Variants in PID1 observed in about 807,000 individuals in gnomAD.
The protein encoded by PID1 is PTB-containing, cubilin and LRP1-interacting protein.
PID1 carries 10 observed loss-of-function variants against 19.1 expected under a neutral mutation model. The ratio of observed to expected loss-of-function variants is 0.52; its 90% CI spans 0.32 to 0.89. PID1 has a LOEUF of 0.89. PID1 is among the 40% of genes least tolerant of loss of function. PID1 has a pLI of 0.03. For missense variants in PID1, 248 were observed against 285.3 expected, an observed-to-expected ratio of 0.87 and a Z score of 0.94; for synonymous variants, 130 against 116.0, an observed-to-expected ratio of 1.12 and a Z score of -0.78.
At chr2:229,109,564 C>T (rs1320506876) in intron 2 of PID1, among the ~76,000 whole-genome samples, 22 of 152,182 alleles carry the variant, frequency 1.4e-4, no homozygotes, top group Admixed American at 1.4e-3. Flanking sequence ...AGATGGATGA[C>T]TTAAGACCTC....
chr2:229,197,343 A>G (rs533023381), intron 1 of PID1, among the ~76,000 whole-genome samples: 18 of 152,110 alleles, frequency 1.2e-4, no homozygotes, highest in African/African-American at 4.3e-4. Context: ...ATTTGACAGT[A>G]TTTTTTGTGT....
At chr2:229,069,226 C>T (rs186590628) in intron 2 of PID1, among the ~76,000 whole-genome samples, 64 of 149,224 alleles carry the variant, frequency 4.3e-4, no homozygotes, top group African/African-American at 1.5e-3. Flanking sequence ...CATATTTTCT[C>T]CCATATTTAA....
At chr2:229,117,880 T>C (rs1695440367) in intron 2 of PID1, among the ~76,000 whole-genome samples, 1 of 152,146 alleles carries the variant, frequency 6.6e-6, no homozygotes, top group Non-Finnish European at 1.5e-5. Context: ...CCTAGACTTC[T>C]GCACTCAGCT....
At chr2:229,129,727 T>G (rs1460714293) in intron 2 of PID1, among the ~76,000 whole-genome samples, 2 of 152,170 alleles carry the variant, frequency 1.3e-5, no homozygotes, top group Admixed American at 6.5e-5. Flanking sequence ...TAGTCATGGT[T>G]TCTTCCCTAA....
At chr2:229,228,306 A>T (rs1227873788) in intron 1 of PID1, among the ~76,000 whole-genome samples, 1 of 152,234 alleles carries the variant, frequency 6.6e-6, no homozygotes, top group Admixed American at 6.5e-5. Flanking sequence ...CAAAAGGGAC[A>T]TTCTGTAAAC....
At chr2:229,102,300 A>G (rs1270567899) in intron 2 of PID1, among the ~76,000 whole-genome samples, 1 of 152,206 alleles carries the variant, frequency 6.6e-6, no homozygotes, top group Non-Finnish European at 1.5e-5. Flanking sequence ...AAATACATTT[A>G]AAGACTCATC....
chr2:229,250,769 TA>T (rs1451209368), intron 1 of PID1, among the ~76,000 whole-genome samples: 1 of 152,214 alleles, frequency 6.6e-6, no homozygotes, highest in Non-Finnish European at 1.5e-5. Flanking sequence ...GTTTACCTAA[TA>T]AAAACCCAAT....
chr2:229,220,928 T>A (rs562336452), intron 1 of PID1, among the ~76,000 whole-genome samples: 21 of 152,146 alleles, frequency 1.4e-4, no homozygotes, highest in Non-Finnish European at 2.6e-4. Context: ...TTAAAAAAAA[T>A]TCAGCTTATT....
At chr2:229,256,137 GCTCAGCAAGC>G (rs1690288984) in intron 1 of PID1, among the ~76,000 whole-genome samples, 1 of 152,134 alleles carries the variant, frequency 6.6e-6, no homozygotes, top group African/African-American at 2.4e-5. Flanking sequence ...TATCCACAGG[GCTCAGCAAGC>G]TGGGTGACTC....
At chr2:229,199,767 C>CACACAT (rs1559281846) in intron 1 of PID1, among the ~76,000 whole-genome samples, 1 of 145,620 alleles carries the variant, frequency 6.9e-6, no homozygotes, top group Non-Finnish European at 1.5e-5. Flanking sequence ...CACACACACA[C>CACACAT]ATATATATAT....
At chr2:229,242,549 C>G (rs1178877702) in intron 1 of PID1, among the ~76,000 whole-genome samples, 5 of 152,114 alleles carry the variant, frequency 3.3e-5, no homozygotes, top group Admixed American at 2.0e-4. Flanking sequence ...CTCTAATCAG[C>G]TGTCAACCCA....
At chr2:229,260,209 A>G (rs960421025) in intron 1 of PID1, among the ~76,000 whole-genome samples, 3 of 152,132 alleles carry the variant, frequency 2.0e-5, no homozygotes, top group Admixed American at 1.3e-4. Context: ...AGTTCAGCCT[A>G]AAGAAATACA....
At chr2:229,115,614 C>T (rs1695395286) in intron 2 of PID1, among the ~76,000 whole-genome samples, 1 of 152,132 alleles carries the variant, frequency 6.6e-6, no homozygotes, top group Middle Eastern at 3.2e-3. Context: ...AAATCTTTCA[C>T]CTAAGTCTCA....
chr2:229,086,482 G>A (rs561471344), intron 2 of PID1, among the ~76,000 whole-genome samples: 1 of 152,264 alleles, frequency 6.6e-6, no homozygotes, highest in South Asian at 2.1e-4. Context: ...TATTGCTTTT[G>A]CATCACCATA....
intron 1 of PID1, among the ~76,000 whole-genome samples, chr2:229,177,151 A>G (rs1690840261): frequency 6.6e-6 from 1 of 152,090 alleles, no homozygotes; most frequent in Non-Finnish European, 1.5e-5. Flanking sequence ...CATGGTAAAG[A>G]CCCACCCCCA....
At chr2:229,089,156 T>C (rs1694823300) in intron 2 of PID1, among the ~76,000 whole-genome samples, 1 of 152,218 alleles carries the variant, frequency 6.6e-6, no homozygotes, top group East Asian at 1.9e-4. Context: ...GTTCATTCTT[T>C]TTTAACACAC....
rs180686295 is a variant in PID1 at position 229,091,597 on chromosome 2, G to A, written c.177+64221C>T. 9.1e-4 allele frequency among the ~76,000 whole-genome samples: 138 copies of A among 152,264 alleles called. 1 individual carries two copies. The highest frequency in any genetic ancestry group is 3.0e-3 in the African/African-American group (126 of 41,544). ...CCTAAAGAGATCCCCCACTCCTTCT[G>A]TCACCGCAAAAAGACAACAATCCAG... On this transcript the variant is annotated intron_variant, in intron 2 of 2. Transcript: ENST00000392055.
chr2:229,146,637 C>T (rs938429228), intron 2 of PID1, among the ~76,000 whole-genome samples: 38 of 152,046 alleles, frequency 2.5e-4, no homozygotes, highest in African/African-American at 8.9e-4. Flanking sequence ...AAAGACATTA[C>T]ATCCTAACCC....
intron 2 of PID1, among the ~76,000 whole-genome samples, chr2:229,055,935 T>C (rs984662631): frequency 6.6e-6 from 1 of 152,220 alleles, no homozygotes; most frequent in Non-Finnish European, 1.5e-5. Context: ...GCTGAGAGGA[T>C]GAATTGCCTG....
Sources: allele counts gnomAD v4.1 joint callset (sites outside exome capture counted in the v4.1 genomes callset), GRCh38; gene constraint gnomAD v4.1.1; transcripts MANE v1.5; gene names NCBI Gene and HGNC (gene_info 2026-07-23, HGNC 2026-07-21).